The following OPCML variants were observed in gnomAD, a reference collection of about 807,000 sequenced individuals.
OPCML encodes opioid binding protein/cell adhesion molecule like.
In OPCML, 13 loss-of-function variants were observed where a neutral mutation model predicts 37.8. The ratio of observed to expected loss-of-function variants is 0.34; its 90% confidence interval spans 0.22 to 0.55. OPCML has a LOEUF of 0.55. OPCML is among the 20% of genes least tolerant of loss of function. The pLI is 0.91. For missense variants in OPCML, 341 were observed against 435.6 expected, an observed-to-expected ratio of 0.78 and a Z score of 1.93; for synonymous variants, 176 against 168.8, an observed-to-expected ratio of 1.04 and a Z score of -0.33.
At position 133,174,016 on chromosome 11, in the gene OPCML, A is replaced by G. The variant is rs1466737280; in HGVS notation, c.62-231006T>C. Among the ~76,000 whole-genome samples, 3 of 152,244 alleles carry G rather than the reference A, an allele frequency of 2.0e-5. No homozygotes were observed. Among genetic ancestry groups the G allele is most frequent in the Non-Finnish European group, 4.4e-5 (3 of 68,048 alleles). On this transcript the variant is annotated intron_variant, in intron 1 of 7. Coordinates refer to ENST00000524381, the MANE Select transcript of OPCML (RefSeq NM_001012393.5). This position sits in a 1 kb window ranked among gnomAD's most constrained non-coding sequence, Gnocchi z 4.6. ...AAATCAGGGGCAGCAACGGATGAGC[A>G]TGGAGAAACGGCCTGGCAGGCCCTG... is the stretch of plus-strand genomic sequence containing the variant.
At chr11:132,841,557 G>C (rs1489758135) in intron 2 of OPCML, among the ~76,000 whole-genome samples, 1 of 152,124 alleles carries the variant, frequency 6.6e-6, no homozygotes, top group Non-Finnish European at 1.5e-5. Flanking sequence ...CTTCAGTTGA[G>C]GATAGGCAAC....
rs1179053845 is a variant in OPCML, at chr11:132,781,495, A to G, written c.147-124176T>C. Among the ~76,000 whole-genome samples the G allele has an allele frequency of 2.0e-5, 3 of 151,884 alleles. No individual in the cohort carries two copies. The East Asian group carries it at 5.8e-4, about 30-fold the overall frequency. Reference sequence around the variant, plus strand: ...GCTCTTCGGGGTCTGCAGCTTGCCCACTGTGGACTGTGGGACTTCTCAGCC... The same window carrying G: ...GCTCTTCGGGGTCTGCAGCTTGCCCGCTGTGGACTGTGGGACTTCTCAGCC... On this transcript the variant is annotated intron_variant, in intron 2 of 7. Coordinates refer to ENST00000524381, the MANE Select transcript of OPCML (RefSeq NM_001012393.5).
At chr11:132,863,781 G>A (rs1942407647) in intron 2 of OPCML, among the ~76,000 whole-genome samples, 1 of 152,084 alleles carries the variant, frequency 6.6e-6, no homozygotes, top group African/African-American at 2.4e-5. Flanking sequence ...AATCTACACG[G>A]GCCTGGCTGG....
intron 3 of OPCML, among the ~76,000 whole-genome samples, chr11:132,647,122 AG>A (rs1941190634): frequency 6.6e-6 from 1 of 152,190 alleles, no homozygotes; most frequent in Non-Finnish European, 1.5e-5. Flanking sequence ...TGGAATTGAA[AG>A]GAAGTTAAGC....
At chr11:132,436,362 A>T in intron 6 of OPCML, 125 bp from the exon 7 acceptor site, 1 of 1,568,188 alleles carries the variant, frequency 6.4e-7, no homozygotes. Context: ...GTCCAACAGG[A>T]GGAGAAGGGA....
In OPCML at chr11:132,624,511, G is replaced by C. The variant is rs1939621341; in HGVS notation, c.379+32576C>G. On this transcript the variant is annotated intron_variant, in intron 3 of 7. Transcript: ENST00000524381. ...TACCGACTCCTTCCATTCTCTTCCA[G>C]GGGTCCCTTGTCCTCTATGTAACCT... is the stretch of plus-strand genomic sequence containing the variant. Among the ~76,000 whole-genome samples the C allele has an allele frequency of 4.6e-5, 7 of 152,028 alleles. No individual in the cohort carries two copies. The South Asian group carries it at 1.5e-3, about 32-fold the overall frequency.
At chr11:132,951,442 G>A (rs1838119323) in intron 1 of OPCML, among the ~76,000 whole-genome samples, 1 of 152,182 alleles carries the variant, frequency 6.6e-6, no homozygotes, top group South Asian at 2.1e-4. Context: ...TAAGGGATTA[G>A]GGCCCCATCC....
intron 4 of OPCML, among the ~76,000 whole-genome samples, chr11:132,479,631 C>A (rs1488646221): frequency 6.6e-6 from 1 of 152,198 alleles, no homozygotes; most frequent in Non-Finnish European, 1.5e-5. Context: ...CCCTGTCTGA[C>A]AGCTTTGAAG....
At chr11:133,425,588 T>A (rs912971450) in intron 1 of OPCML, among the ~76,000 whole-genome samples, 12 of 152,182 alleles carry the variant, frequency 7.9e-5, no homozygotes, top group African/African-American at 2.7e-4. Context: ...ACAACTTCTA[T>A]CCTTACAACA....
chr11:133,439,561 A>G (rs529512931), intron 1 of OPCML, among the ~76,000 whole-genome samples: 530 of 151,982 alleles, frequency 3.5e-3, no homozygotes, highest in Non-Finnish European at 6.1e-3. Context: ...TCCGCCTCCC[A>G]GGTTCACGTC....
chr11:132,966,382 T>C (rs1946214953), intron 1 of OPCML, among the ~76,000 whole-genome samples: 1 of 152,170 alleles, frequency 6.6e-6, no homozygotes, highest in African/African-American at 2.4e-5. Flanking sequence ...AGTCAGATAC[T>C]ACACTGTATG....
At chr11:133,424,682 T>C (rs1219009267) in intron 1 of OPCML, among the ~76,000 whole-genome samples, 1 of 152,220 alleles carries the variant, frequency 6.6e-6, no homozygotes, top group Non-Finnish European at 1.5e-5. Flanking sequence ...TCTATGTTCA[T>C]CTTTTGTTCG....
chr11:133,354,594 GTACCTC>G (rs1944239913), intron 1 of OPCML, among the ~76,000 whole-genome samples: 2 of 152,040 alleles, frequency 1.3e-5, no homozygotes, highest in African/African-American at 4.8e-5. Context: ...ACTTTTATAA[GTACCTC>G]TACTTTCGCA....
In OPCML at chr11:133,204,894, A is replaced by G. The variant is rs1163289713; in HGVS notation, c.62-261884T>C. ...TATATATATATATATATATATATAT[A>G]TATATATATATATATACATACACAT... On this transcript the variant is annotated intron_variant, in intron 1 of 7. Coordinates refer to ENST00000524381, the MANE Select transcript of OPCML (RefSeq NM_001012393.5). Among the ~76,000 whole-genome samples the G allele has an allele frequency of 7.4e-5, 10 of 135,600 alleles. 1 individual carries two copies. The highest frequency in any genetic ancestry group is 2.5e-4 in the East Asian group (1 of 4,040). 89.0% of individuals were successfully genotyped at this position (135,600 alleles called of 152,430 possible). A position where few individuals can be genotyped will look rare whatever the true frequency, so the allele number is the denominator to read the frequency against.
chr11:132,522,181 G>A (rs1455756661), intron 4 of OPCML, among the ~76,000 whole-genome samples: 2 of 152,160 alleles, frequency 1.3e-5, no homozygotes, highest in Non-Finnish European at 2.9e-5. Context: ...GTATTGCTGT[G>A]TAGTATTTCA....
chr11:132,819,977 C>T (rs911483112), intron 2 of OPCML, among the ~76,000 whole-genome samples: 1 of 152,150 alleles, frequency 6.6e-6, no homozygotes, highest in African/African-American at 2.4e-5. Flanking sequence ...TTCTATTCCT[C>T]ATCTCCATCC....
At chr11:132,438,290 C>A (rs1048972003) in intron 4 of OPCML, among the ~76,000 whole-genome samples, 2 of 152,212 alleles carry the variant, frequency 1.3e-5, no homozygotes, top group African/African-American at 2.4e-5. Flanking sequence ...CACTGAGATC[C>A]CATCAAAACC....
intron 4 of OPCML, among the ~76,000 whole-genome samples, chr11:132,481,304 GA>G (rs1401553555): frequency 6.6e-6 from 1 of 151,914 alleles, no homozygotes; most frequent in Non-Finnish European, 1.5e-5. Flanking sequence ...AACCAACAAA[GA>G]TCAAAAGAGA....
At chr11:133,339,990 A>G (rs1307991209) in intron 1 of OPCML, among the ~76,000 whole-genome samples, 2 of 152,186 alleles carry the variant, frequency 1.3e-5, no homozygotes, top group Non-Finnish European at 2.9e-5. Context: ...GTGCCACACC[A>G]CACTGACTCA....
Sources: gnomAD v4.1 joint callset for allele counts (sites outside exome capture counted in the v4.1 genomes callset) on GRCh38, gnomAD v4.1.1 for gene constraint, Gnocchi (gnomAD v3.1) non-coding constraint, MANE v1.5 for transcripts, NCBI Gene and HGNC (gene_info 2026-07-23, HGNC 2026-07-21) for gene names.